The following DSPP variants were observed in gnomAD, a reference collection of about 807,000 sequenced individuals.
DSPP encodes the protein deafness, autosomal dominant 39.
In DSPP, 28 loss-of-function variants were observed where a neutral mutation model predicts 29.1. The ratio of observed to expected loss-of-function variants is 0.96; its 90% CI spans 0.71 to 1.32. DSPP has a LOEUF of 1.32. DSPP is among the 40% of genes most tolerant of loss of function. The pLI, the probability that DSPP is intolerant of heterozygous loss-of-function variation, is 0.00. For missense variants in DSPP, 1,281 were observed against 1,629.9 expected (o/e 0.79, Z 3.69); for synonymous variants, 481 against 503.4 (o/e 0.96, Z 0.60).
At position 87,613,951 on chromosome 4, in the gene DSPP, C is replaced by G. The variant is rs200139677; in HGVS notation, c.1289C>G (p.Ser430Ter). ...AACATAGAAGGACCTGGCCAAAAAT[C>G]AGAACCAGGAAATAAAGTTGGACAC... The part of the protein sequence containing the change: ...VVNIEGPGQK[S>*]EPGNKVGHSN... Residue 430 changes from serine to a stop codon, truncating the protein, a stop_gained, in exon 5 of 5, where the codon TCA becomes TGA. Coordinates refer to ENST00000651931, the MANE Select transcript of DSPP (RefSeq NM_014208.3). LOFTEE classifies it low-confidence loss of function (END_TRUNC). The G allele has an allele frequency of 3.2e-5, 52 of 1,614,054 alleles. No individual in the cohort carries two copies. Among genetic ancestry groups the G allele is most frequent in the Non-Finnish European group, 4.1e-5 (48 of 1,180,036 alleles).
At chr4:87,611,203 C>T (rs1234978473) in intron 2 of DSPP, among the ~76,000 whole-genome samples, 2 of 151,962 alleles carry the variant, frequency 1.3e-5, no homozygotes, top group Non-Finnish European at 2.9e-5. Context: ...TCCAATTCAT[C>T]GTCTCATTCC....
At position 87,614,706 on chromosome 4, in the gene DSPP, G is replaced by GACAGCAGCAGTAGCAGTA. The variant is rs1236206977; in HGVS notation, c.2053_2054insGTAGCAGTAACAGCAGCA (p.Ser684_Asn685insSerSerSerAsnSerSer). The GACAGCAGCAGTAGCAGTA allele has an allele frequency of 6.5e-7, 1 of 1,544,610 alleles. No homozygotes were observed. The highest frequency in any genetic ancestry group is 8.8e-7 in the Non-Finnish European group (1 of 1,142,326). ...TAGCAGTGACAGCAGCAGTAGCAGT[G>GACAGCAGCAGTAGCAGTA]ACAGCAGCAACAGCAGTGATAGTAG... On this transcript the variant is annotated inframe_insertion, in exon 5 of 5. Coordinates refer to ENST00000651931, the MANE Select transcript of DSPP (RefSeq NM_014208.3).
rs571487894 is a variant in DSPP, at chr4:87,614,567, T to C, written c.1905T>C (p.Asp635=). ...DSSKSESDSS[D]SDSKSDSSDS... ...GCAAATCAGAGAGCGACAGCAGTGATAGTGACAGTAAGTCAGACAGCAGTG... is the reference window on the plus strand; with the variant it reads ...GCAAATCAGAGAGCGACAGCAGTGACAGTGACAGTAAGTCAGACAGCAGTG... The change falls in exon 5 of 5, where the codon GAT becomes GAC. Residue 635 remains aspartate (D), a synonymous_variant. Coordinates refer to ENST00000651931, the MANE Select transcript of DSPP (RefSeq NM_014208.3). 26 of 1,551,086 alleles carry C rather than the reference T, an allele frequency of 1.7e-5. No homozygotes were observed. The highest frequency in any genetic ancestry group is 2.1e-5 in the Non-Finnish European group (24 of 1,146,838).
At position 87,616,244 on chromosome 4, in the gene DSPP, C is replaced by CAGCGACAGCAGCGAT. The variant is rs1727938814; in HGVS notation, c.3585_3586insGACAGCAGCGATAGC (p.Asp1191_Ser1195dup). ...GCAGTGATAGCAGTGACAGCAGCGA[C>CAGCGACAGCAGCGAT]AGCAGCGATAGCAGCGACAGCAGCG... On this transcript the variant is annotated inframe_insertion, in exon 5 of 5. Transcript: ENST00000651931. 6.6e-7 allele frequency: 1 copy of CAGCGACAGCAGCGAT among 1,519,426 alleles called. No individual in the cohort carries two copies. The highest frequency in any genetic ancestry group is 1.5e-5 in the African/African-American group (1 of 68,476). The allele number at this position is 1,519,426 out of a possible 1,614,324, so 94.1% of individuals were successfully genotyped here. A position where few individuals can be genotyped will look rare whatever the true frequency, so the allele number is the denominator to read the frequency against.
Position 87,612,108 on chromosome 4 carries a change from C to A in DSPP, c.55C>A (p.Pro19Thr). The change falls in exon 3 of 5, where the codon CCT becomes ACT. Residue 19 changes from proline to threonine, a missense_variant. Physicochemically the swap from Pro to Thr is conservative, Grantham distance 38 (BLOSUM62 -1). Transcript: ENST00000651931. ...IWAVAWAIPV[P>T]QSKPLERHVE... is the part of the protein sequence containing the mutation. ...GCCAGTATTTTCTACTTGGCAGGTT[C>A]CTCAAAGCAAACCACTGGAGAGACA... The A allele has an allele frequency of 6.2e-7, 1 of 1,613,602 alleles. No individual in the cohort carries two copies. Among genetic ancestry groups the A allele is most frequent in the Non-Finnish European group, 8.5e-7 (1 of 1,179,786 alleles).
At chr4:87,611,603 T>C (rs1727736088) in intron 2 of DSPP, among the ~76,000 whole-genome samples, 1 of 152,184 alleles carries the variant, frequency 6.6e-6, no homozygotes, top group Non-Finnish European at 1.5e-5. Context: ...ATTTATGTAG[T>C]TGAAAATGTT....
rs1560481373 is a variant in DSPP, at chr4:87,616,466, G to C, written c.3804G>C (p.Glu1268Asp). The C allele has an allele frequency of 1.7e-5, 26 of 1,551,782 alleles. No individual in the cohort carries two copies. The highest frequency in any genetic ancestry group is 2.2e-5 in the Non-Finnish European group (25 of 1,147,008). The change falls in exon 5 of 5, where the codon GAG becomes GAC. Residue 1268 changes from glutamate (E) to aspartate (D), a missense_variant. Glu to Asp is a conservative substitution (Grantham distance 45). Around this residue, in one of 4 missense-constraint regions of DSPP, gnomAD observed 134 missense variants for 185.0 expected, o/e 0.72. Coordinates refer to ENST00000651931, the MANE Select transcript of DSPP (RefSeq NM_014208.3). ...SSDSTSDSND[E>D]SDSQSKSGNG... ...ACAGCACATCTGACAGCAATGATGA[G>C]AGTGACAGCCAGAGCAAGTCTGGTA...
Position 87,615,736 on chromosome 4 carries a change from G to A in DSPP, c.3074G>A (p.Ser1025Asn), listed in dbSNP as rs879175207. The change falls in exon 5 of 5, where the codon AGT becomes AAT. Residue 1025 changes from serine (S) to asparagine (N), a missense_variant. Ser to Asn is a conservative substitution (Grantham distance 46). Transcript: ENST00000651931. Reference sequence around the variant, plus strand: ...AATAGTAGTGACAGCAGCAATAGCAGTGACAGCAGCAACAGCAGTGACAGC... The same window carrying A: ...AATAGTAGTGACAGCAGCAATAGCAATGACAGCAGCAACAGCAGTGACAGC... ...SSNSSDSSNS[S>N]DSSNSSDSSD... is the part of the protein sequence containing the mutation. The A allele has an allele frequency of 1.3e-6, 1 of 784,612 alleles. No individual in the cohort carries two copies. Among genetic ancestry groups the A allele is most frequent in the African/African-American group, 2.0e-5 (1 of 50,246 alleles). 48.6% of individuals were successfully genotyped at this position (784,612 alleles called of 1,614,324 possible). A position where few individuals can be genotyped will look rare whatever the true frequency, so the allele number is the denominator to read the frequency against.
At position 87,615,559 on chromosome 4, in the gene DSPP, G is replaced by A. The variant is rs1312343679; in HGVS notation, c.2897G>A (p.Ser966Asn). 1 of 1,549,352 alleles carries A rather than the reference G, an allele frequency of 6.5e-7. No homozygotes were observed. The part of the protein sequence containing the change: ...SSNSSDSSNS[S>N]DSSDSNSSDS... ...AATAGCAGTGACAGCAGCAACAGCAGTGACAGCAGTGATAGCAATAGCAGC... is the reference window on the plus strand; with the variant it reads ...AATAGCAGTGACAGCAGCAACAGCAATGACAGCAGTGATAGCAATAGCAGC... Residue 966 changes from serine to asparagine, a missense_variant, in exon 5 of 5, where the codon AGT becomes AAT. Physicochemically the swap from Ser to Asn is conservative, Grantham distance 46. Around this residue, in one of 4 missense-constraint regions of DSPP, gnomAD observed 444 missense variants for 611.4 expected, o/e 0.73. Coordinates refer to ENST00000651931, the MANE Select transcript of DSPP (RefSeq NM_014208.3).
At chr4:87,611,429 A>T (rs1192419304) in intron 2 of DSPP, among the ~76,000 whole-genome samples, 1 of 152,078 alleles carries the variant, frequency 6.6e-6, no homozygotes, top group Non-Finnish European at 1.5e-5. Context: ...CATATAGGAG[A>T]CTAATTTTTC....
chr4:87,614,605 G>A lies in DSPP; in HGVS notation c.1943G>A (p.Ser648Asn). ...SKSDSSDSNSSDSSDNSDSSD... is the reference protein window; with the variant it reads ...SKSDSSDSNSNDSSDNSDSSD... Reference sequence around the variant, plus strand: ...TCAGACAGCAGTGACAGCAACAGCAGTGACAGTAGTGACAACAGTGATAGC... The same window carrying A: ...TCAGACAGCAGTGACAGCAACAGCAATGACAGTAGTGACAACAGTGATAGC... The change falls in exon 5 of 5, where the codon AGT becomes AAT. Residue 648 changes from serine (S) to asparagine (N), a missense_variant. Ser to Asn is a conservative substitution (Grantham distance 46). Coordinates refer to ENST00000651931, the MANE Select transcript of DSPP (RefSeq NM_014208.3). 6.5e-7 allele frequency: 1 copy of A among 1,548,682 alleles called. No homozygotes were observed. Among genetic ancestry groups the A allele is most frequent in the Non-Finnish European group, 8.7e-7 (1 of 1,144,572 alleles).
At position 87,615,481 on chromosome 4, in the gene DSPP, A is replaced by T; in HGVS notation, c.2819A>T (p.Asn940Ile). Residue 940 changes from asparagine to isoleucine, a missense_variant, in exon 5 of 5, where the codon AAC becomes ATC. Physicochemically the swap from Asn to Ile is moderately radical, Grantham distance 149. Transcript: ENST00000651931. ...SDNSNSSDSS[N>I]SSDSSDSSDS... ...AACAGCAATAGCAGTGACAGCAGCAACAGCAGTGACAGCAGTGATAGCAGT... is the reference window on the plus strand; with the variant it reads ...AACAGCAATAGCAGTGACAGCAGCATCAGCAGTGACAGCAGTGATAGCAGT... The T allele has an allele frequency of 3.9e-6, 6 of 1,550,844 alleles. No homozygotes were observed. The highest frequency in any genetic ancestry group is 4.4e-6 in the Non-Finnish European group (5 of 1,146,820).
chr4:87,616,091 CAGCAGTGACAGCAGT>C lies in DSPP; in HGVS notation c.3430_3444del (p.Ser1144_Ser1148del). The C allele has an allele frequency of 3.8e-6, 3 of 780,538 alleles. 1 individual carries two copies. The highest frequency in any genetic ancestry group is 1.9e-4 in the East Asian group (2 of 10,392). The allele number at this position is 780,538 out of a possible 1,614,324, so 48.4% of individuals were successfully genotyped here. A position where few individuals can be genotyped will look rare whatever the true frequency, so the allele number is the denominator to read the frequency against. On this transcript the variant is annotated inframe_deletion, in exon 5 of 5. Transcript: ENST00000651931. ...GCAGTGACAGCAGCAACAGCAGTGA[CAGCAGTGACAGCAGT>C]GAAAGCAGCGACAGCAGTGACAGCA...
intron 1 of DSPP, among the ~76,000 whole-genome samples, 172 bp from the exon 2 acceptor site, chr4:87,610,709 G>A (rs543047937): frequency 6.6e-6 from 1 of 152,228 alleles, no homozygotes; most frequent in Admixed American, 6.5e-5. Context: ...GCTGAGCCTG[G>A]TGATGCCCCC....
In DSPP at chr4:87,612,064, A is replaced by C. The variant is rs374871088; in HGVS notation, c.52-41A>C. On this transcript the variant is annotated intron_variant, in intron 2 of 4. Transcript: ENST00000651931. ...GTGCACGCTCACACACATATTCACA[A>C]ATAAGAACCTTTTCAATAGCCAGTA... The C allele has an allele frequency of 3.3e-4, 524 of 1,589,132 alleles. 3 individuals are homozygous for C. The African/African-American group carries it at 5.8e-3, about 18-fold the overall frequency.
chr4:87,614,206 G>A lies in DSPP; in HGVS notation c.1544G>A (p.Ser515Asn), dbSNP rs370919600. ...TCAAAAGGAGCAGAAGATGATGACAGTGATAGCACATCAGACACTAATAAT... is the reference window on the plus strand; with the variant it reads ...TCAAAAGGAGCAGAAGATGATGACAATGATAGCACATCAGACACTAATAAT... The part of the protein sequence containing the change: ...SDSKGAEDDD[S>N]DSTSDTNNSD... Residue 515 changes from serine (S) to asparagine (N), a missense_variant, in exon 5 of 5, where the codon AGT becomes AAT. This residue lies in a region of DSPP where 631 missense variants were observed against 643.2 expected (regional missense o/e 0.98). Transcript: ENST00000651931. 6.2e-7 allele frequency: 1 copy of A among 1,614,110 alleles called. No individual in the cohort carries two copies. Among genetic ancestry groups the A allele is most frequent in the Non-Finnish European group, 8.5e-7 (1 of 1,180,050 alleles).
Position 87,612,784 on chromosome 4 carries a change from A to T in DSPP, c.598A>T (p.Ile200Phe), listed in dbSNP as rs1237863895. ...CAGTACAGACAATGAGGATGAAATA[A>T]TTGAGAATTCCTGTAGAAACGAGGG... is the stretch of plus-strand genomic sequence containing the variant. ...NNSTDNEDEIIENSCRNEGNT... is the reference protein window; with the variant it reads ...NNSTDNEDEIFENSCRNEGNT... The change falls in exon 4 of 5, where the codon ATT becomes TTT. Residue 200 changes from isoleucine (I) to phenylalanine (F), a missense_variant. Transcript: ENST00000651931. 1 of 1,614,204 alleles carries T rather than the reference A, an allele frequency of 6.2e-7. No individual in the cohort carries two copies. Among genetic ancestry groups the T allele is most frequent in the East Asian group, 2.2e-5 (1 of 44,882 alleles).
Position 87,615,769 on chromosome 4 carries a change from G to C in DSPP, c.3107G>C (p.Ser1036Thr). ...DSSNSSDSSD[S>T]SDSSDSSDSS... ...AGCAACAGCAGTGACAGCAGCGATA[G>C]CAGTGACAGCAGCGATAGCAGTGAC... Residue 1036 changes from serine to threonine, a missense_variant, in exon 5 of 5, where the codon AGC (serine) becomes ACC (threonine). Ser to Thr is a moderately conservative substitution (Grantham distance 58). Coordinates refer to ENST00000651931, the MANE Select transcript of DSPP (RefSeq NM_014208.3). 1 of 1,512,070 alleles carries C rather than the reference G, an allele frequency of 6.6e-7. No homozygotes were observed. Among genetic ancestry groups the C allele is most frequent in the South Asian group, 1.3e-5 (1 of 78,558 alleles). 93.7% of individuals were successfully genotyped at this position (1,512,070 alleles called of 1,614,324 possible). A position where few individuals can be genotyped will look rare whatever the true frequency, so the allele number is the denominator to read the frequency against.
At position 87,612,588 on chromosome 4, in the gene DSPP, T is replaced by C; in HGVS notation, c.402T>C (p.Asn134=). The C allele has an allele frequency of 6.2e-7, 1 of 1,613,950 alleles. No individual in the cohort carries two copies. The highest frequency in any genetic ancestry group is 8.5e-7 in the Non-Finnish European group (1 of 1,179,938). The part of the protein sequence containing the change: ...IHGKEENITA[N]GIQGQVSIID... ...GGAAAGAAGAAAACATCACAGCAAATGGCATCCAGGGACAAGTAAGCATCA... is the reference window on the plus strand; with the variant it reads ...GGAAAGAAGAAAACATCACAGCAAACGGCATCCAGGGACAAGTAAGCATCA... The change falls in exon 4 of 5, where the codon AAT becomes AAC. Residue 134 remains asparagine, a synonymous_variant. Coordinates refer to ENST00000651931, the MANE Select transcript of DSPP (RefSeq NM_014208.3).
Sources: gnomAD v4.1 joint callset for allele counts (sites outside exome capture counted in the v4.1 genomes callset) on GRCh38, gnomAD v4.1.1 for gene constraint, gnomAD v4.1.1 regional missense constraint, MANE v1.5 for transcripts, NCBI Gene and HGNC (gene_info 2026-07-23, HGNC 2026-07-21) for gene names.